USP7: variants seen among roughly 807,000 people sequenced by gnomAD.
The protein encoded by USP7 is ubiquitin C-terminal hydrolase 7.
In USP7, 9 loss-of-function variants were observed where a neutral mutation model predicts 162.9. That is an observed-to-expected ratio of 0.06 (90% CI 0.03 to 0.10). The LOEUF (loss-of-function observed/expected upper bound fraction) is 0.10, where lower values mean the gene tolerates loss of function less well. USP7 is among the 10% of genes least tolerant of loss of function. The pLI, the probability that USP7 is intolerant of heterozygous loss-of-function variation, is 1.00. For missense variants in USP7, 715 were observed against 1,373.7 expected, an observed-to-expected ratio of 0.52 and a Z score of 7.58; for synonymous variants, 562 against 475.9, an observed-to-expected ratio of 1.18 and a Z score of -2.35.
In USP7 at chr16:8,910,840, A is replaced by G; in HGVS notation, c.1079-13T>C. 6.2e-7 allele frequency: 1 copy of G among 1,609,530 alleles called. No homozygotes were observed. Among genetic ancestry groups the G allele is most frequent in the South Asian group, 1.1e-5 (1 of 90,934 alleles). The stretch of plus-strand genomic sequence containing the variant: ...AATGATTCAAATACTTTAAAGAGAG[A>G]GAGAGAAAAGTCAAGTGCTAAAGCT... On this transcript the variant is annotated splice_polypyrimidine_tract_variant and intron_variant, in intron 10 of 30. Coordinates refer to ENST00000344836, the MANE Select transcript of USP7 (RefSeq NM_003470.3).
chr16:8,934,684 G>C (rs1677490), intron 1 of USP7, among the ~76,000 whole-genome samples: 102,626 of 152,134 alleles, frequency 0.67, 37,303 homozygotes, highest in East Asian at 0.87. Flanking sequence ...ACACATCTGA[G>C]TTGGTGTGGC....
chr16:8,915,149 C>T, intron 10 of USP7, 105 bp downstream of exon 10: 1 of 1,076,922 alleles, frequency 9.3e-7, no homozygotes. Flanking sequence ...CTGAGCCATT[C>T]TCTGTGTTTA....
intron 1 of USP7, among the ~76,000 whole-genome samples, chr16:8,935,054 A>C (rs1048877859): frequency 1.3e-5 from 2 of 152,238 alleles, no homozygotes; most frequent in Non-Finnish European, 2.9e-5. Flanking sequence ...GCCTTCTTTT[A>C]TTGTTCAAGA....
chr16:8,913,320 C>T (rs984321820), intron 10 of USP7, among the ~76,000 whole-genome samples: 1 of 152,176 alleles, frequency 6.6e-6, no homozygotes, highest in African/African-American at 2.4e-5. Context: ...CGCACCACTG[C>T]ACTCCAGCCT....
chr16:8,900,903 G>GT (rs2061763776), intron 20 of USP7, 87 bp downstream of exon 20: 9 of 1,378,974 alleles, frequency 6.5e-6, no homozygotes, highest in Non-Finnish European at 9.0e-6. Context: ...ACCTAACACT[G>GT]TAACAAATTC....
chr16:8,941,670 C>G (rs1271174480), intron 1 of USP7, among the ~76,000 whole-genome samples: 1 of 152,156 alleles, frequency 6.6e-6, no homozygotes, highest in African/African-American at 2.4e-5. Flanking sequence ...AGACAAAGAC[C>G]AGGCCGTGTT....
chr16:8,943,748 T>C (rs1270410286), intron 1 of USP7, among the ~76,000 whole-genome samples: 1 of 152,212 alleles, frequency 6.6e-6, no homozygotes, highest in Non-Finnish European at 1.5e-5. Context: ...ATCAAAATGT[T>C]GAATGTCCTT....
intron 1 of USP7, among the ~76,000 whole-genome samples, chr16:8,941,138 C>T (rs1164789092): frequency 2.0e-5 from 3 of 152,144 alleles, no homozygotes; most frequent in African/African-American, 4.8e-5. Flanking sequence ...TGCCCCATGC[C>T]CATGAGGACC....
rs1567202827 is a variant in USP7, at chr16:8,893,989, G to C, written c.*9C>G. On this transcript the variant is annotated 3_prime_UTR_variant, in exon 31 of 31. Coordinates refer to ENST00000344836, the MANE Select transcript of USP7 (RefSeq NM_003470.3). ...CACCGTCCTCGCCTTGAACACACCA[G>C]CTTGGAAATCAGTTATGGATTTTAA... is the stretch of plus-strand genomic sequence containing the variant. The C allele has an allele frequency of 6.2e-7, 1 of 1,613,518 alleles. No homozygotes were observed. The highest frequency in any genetic ancestry group is 8.5e-7 in the Non-Finnish European group (1 of 1,179,440).
chr16:8,946,364 T>A (rs1372056021), intron 1 of USP7, among the ~76,000 whole-genome samples: 1 of 152,134 alleles, frequency 6.6e-6, no homozygotes, highest in Non-Finnish European at 1.5e-5. Flanking sequence ...GAGGATCACT[T>A]GTGGCCAGGA....
chr16:8,918,629 G>A (rs1158656268), intron 6 of USP7, among the ~76,000 whole-genome samples: 2 of 152,108 alleles, frequency 1.3e-5, no homozygotes, highest in African/African-American at 2.4e-5. Flanking sequence ...GGACAACATG[G>A]TGAAACCCCG....
At chr16:8,922,930 G>A (rs1897779362) in intron 3 of USP7, among the ~76,000 whole-genome samples, 1 of 152,196 alleles carries the variant, frequency 6.6e-6, no homozygotes, top group Non-Finnish European at 1.5e-5. Context: ...GACAGTTACT[G>A]ACAGAGTAAG....
At chr16:8,912,272 T>G (rs1232035070) in intron 10 of USP7, among the ~76,000 whole-genome samples, 36 of 151,816 alleles carry the variant, frequency 2.4e-4, no homozygotes, top group Non-Finnish European at 5.9e-5. Flanking sequence ...GCCAACATGG[T>G]GAAACCCCGT....
Position 8,905,552 on chromosome 16 carries a change from A to G in USP7, c.1429-221T>C, listed in dbSNP as rs978843656. Among the ~76,000 whole-genome samples, 6 of 152,346 alleles carry G rather than the reference A, an allele frequency of 3.9e-5. No individual in the cohort carries two copies. The East Asian group carries it at 1.2e-3, about 29-fold the overall frequency. ...ATTCACCAGGACCTTCGCAGTCCCC[A>G]TTCAACATTCTGTGGGCACTGCTAC... On this transcript the variant is annotated intron_variant, in intron 13 of 30. Transcript: ENST00000344836.
chr16:8,916,727 G>A (rs570874914), intron 7 of USP7, among the ~76,000 whole-genome samples, 171 bp from the exon 8 acceptor site: 2 of 152,312 alleles, frequency 1.3e-5, no homozygotes, highest in South Asian at 4.1e-4. Flanking sequence ...TACTGCTGGG[G>A]AAGTGGTGTT....
intron 1 of USP7, among the ~76,000 whole-genome samples, chr16:8,961,071 G>C (rs952200278): frequency 6.6e-6 from 1 of 152,170 alleles, no homozygotes; most frequent in Admixed American, 6.5e-5. Context: ...AACTGTCCTA[G>C]GGGTTACCTT....
intron 1 of USP7, 76 bp from the exon 2 acceptor site, chr16:8,930,473 C>T: frequency 1.6e-5 from 16 of 1,020,274 alleles, no homozygotes; most frequent in Non-Finnish European, 2.3e-5. Context: ...TAAACTTATA[C>T]TTTTGATGTT....
chr16:8,916,118 C>T (rs747474872), intron 8 of USP7, among the ~76,000 whole-genome samples: 30 of 152,156 alleles, frequency 2.0e-4, no homozygotes, highest in Non-Finnish European at 4.0e-4. Flanking sequence ...ATGAGAACCT[C>T]GCTGCACAGG....
intron 14 of USP7, among the ~76,000 whole-genome samples, chr16:8,904,774 C>G (rs2061832907): frequency 6.9e-6 from 1 of 145,708 alleles, no homozygotes; most frequent in Non-Finnish European, 1.5e-5. Flanking sequence ...AACCCCATCT[C>G]TACTACTAAA....
Sources: gnomAD v4.1 joint callset for allele counts (sites outside exome capture counted in the v4.1 genomes callset) on GRCh38, gnomAD v4.1.1 for gene constraint, MANE v1.5 for transcripts, NCBI Gene and HGNC (gene_info 2026-07-23, HGNC 2026-07-21) for gene names.